Variants in RPN1 observed in about 807,000 individuals in gnomAD.
RPN1 encodes ribophorin I, also known as dolichyl-diphosphooligosaccharide--protein glycosyltransferase subunit 1.
RPN1 carries 12 observed loss-of-function variants against 55.5 expected under a neutral mutation model. The observed-to-expected ratio is 0.22, with a 90% CI of 0.14 to 0.35. RPN1 has a LOEUF of 0.35. RPN1 is among the 10% of genes least tolerant of loss of function. The pLI is 1.00. For missense variants in RPN1, 679 were observed against 761.3 expected, an observed-to-expected ratio of 0.89 and a Z score of 1.27; for synonymous variants, 317 against 305.9, an observed-to-expected ratio of 1.04 and a Z score of -0.38.
chr3:128,648,572 G>T (rs991862047), intron 1 of RPN1, among the ~76,000 whole-genome samples: 1 of 150,988 alleles, frequency 6.6e-6, no homozygotes, highest in African/African-American at 2.4e-5. Flanking sequence ...AAAAAAAAAA[G>T]AAAAAGAAAA....
chr3:128,624,049 C>A (rs984981052), intron 8 of RPN1, among the ~76,000 whole-genome samples: 2 of 151,982 alleles, frequency 1.3e-5, no homozygotes, highest in East Asian at 1.9e-4. Flanking sequence ...CCCGCCCCCC[C>A]GCATCTCCGA....
chr3:128,633,555 A>G (rs1248805529), intron 3 of RPN1, among the ~76,000 whole-genome samples: 9 of 152,140 alleles, frequency 5.9e-5, no homozygotes, highest in Admixed American at 5.9e-4. Flanking sequence ...AATTTGAAAA[A>G]CATTACTTCA....
chr3:128,628,059 A>C (rs1205022834), intron 5 of RPN1, among the ~76,000 whole-genome samples: 2 of 152,112 alleles, frequency 1.3e-5, no homozygotes, highest in Non-Finnish European at 2.9e-5. Context: ...GGAGTTCGAG[A>C]CCAGCCTGGC....
chr3:128,630,646 A>G (rs146417093), intron 4 of RPN1, among the ~76,000 whole-genome samples: 25 of 152,326 alleles, frequency 1.6e-4, no homozygotes, highest in African/African-American at 5.8e-4. Context: ...AAAAAAGTTT[A>G]TAAGATTTCA....
chr3:128,623,366 A>G lies in RPN1; in HGVS notation c.1396-957T>C, dbSNP rs148921413. Among the ~76,000 whole-genome samples, 125 of 151,976 alleles carry G rather than the reference A, an allele frequency of 8.2e-4. 2 individuals are homozygous for G. Among genetic ancestry groups the G allele is most frequent in the African/African-American group, 2.9e-3 (120 of 41,428 alleles). On this transcript the variant is annotated intron_variant, in intron 8 of 9. Coordinates refer to ENST00000296255, the MANE Select transcript of RPN1 (RefSeq NM_002950.4). Reference sequence around the variant, plus strand: ...AGCCTAGCCAACATGGCAAAACCCCATCTCTAATAAAAATACAGAAAATTA... The same window carrying G: ...AGCCTAGCCAACATGGCAAAACCCCGTCTCTAATAAAAATACAGAAAATTA...
rs1406531169 is a variant in RPN1, at chr3:128,635,630, TATATATATAG to T, written c.633+2159_633+2168del. Among the ~76,000 whole-genome samples, 233 of 26,068 alleles carry T rather than the reference TATATATATAG, an allele frequency of 8.9e-3. 3 individuals carry two copies. The highest frequency in any genetic ancestry group is 0.04 in the African/African-American group (207 of 5,238). The allele number at this position is 26,068 out of a possible 152,430, so 17.1% of individuals were successfully genotyped here. ...AACTTGAGATATATATATATATATA[TATATATATAG>T]ATATATATATATATATATATATATA... On this transcript the variant is annotated intron_variant, in intron 3 of 9. Coordinates refer to ENST00000296255, the MANE Select transcript of RPN1 (RefSeq NM_002950.4).
Position 128,643,492 on chromosome 3 carries a change from G to A in RPN1, c.326+1427C>T, listed in dbSNP as rs369054024. 1.3e-4 allele frequency among the ~76,000 whole-genome samples: 19 copies of A among 151,706 alleles called. No individual in the cohort carries two copies. In the East Asian group the frequency reaches 2.8e-3, roughly 22 times the overall value. On this transcript the variant is annotated intron_variant, in intron 2 of 9. Coordinates refer to ENST00000296255, the MANE Select transcript of RPN1 (RefSeq NM_002950.4). ...CAGCCTGGCCAACATGGGGAAACCC[G>A]TCTCTACTAAAAACACAAAACTTGT...
At chr3:128,636,058 G>A (rs925134228) in intron 3 of RPN1, among the ~76,000 whole-genome samples, 2 of 151,610 alleles carry the variant, frequency 1.3e-5, no homozygotes, top group African/African-American at 2.4e-5. Context: ...TTTTGACTAC[G>A]AAATCATGTT....
chr3:128,626,644 T>C, intron 6 of RPN1, 89 bp downstream of exon 6: 5 of 1,116,730 alleles, frequency 4.5e-6, no homozygotes, highest in Non-Finnish European at 6.8e-6. Flanking sequence ...ACACAAAGAC[T>C]GTGCCCCTAG....
intron 5 of RPN1, among the ~76,000 whole-genome samples, chr3:128,627,783 A>AAT (rs1337824583): frequency 3.8e-4 from 2 of 5,244 alleles, no homozygotes; most frequent in Non-Finnish European, 9.7e-4. Context: ...AAAAAAAAAA[A>AAT]AAAAAGATTA....
At chr3:128,636,057 C>G (rs139232335) in intron 3 of RPN1, among the ~76,000 whole-genome samples, 3 of 151,768 alleles carry the variant, frequency 2.0e-5, no homozygotes, top group Non-Finnish European at 4.4e-5. Flanking sequence ...ATTTTGACTA[C>G]GAAATCATGT....
chr3:128,647,561 G>A (rs1273078439), intron 1 of RPN1, among the ~76,000 whole-genome samples: 1 of 151,874 alleles, frequency 6.6e-6, no homozygotes, highest in East Asian at 1.9e-4. Flanking sequence ...GCGTAGTGGT[G>A]CGCACATGTA....
chr3:128,650,699 C>T lies in RPN1; in HGVS notation c.102G>A (p.Glu34=), dbSNP rs2069812383. ...TTAGGTCCACTGTGCGCTTCACGTCCTCATTGATCAGCGGCGGTGCCTCGG... is the reference window on the plus strand; with the variant it reads ...TTAGGTCCACTGTGCGCTTCACGTCTTCATTGATCAGCGGCGGTGCCTCGG... ...ASSEAPPLIN[E]DVKRTVDLSS... Residue 34 remains glutamate (E), a synonymous_variant, in exon 1 of 10, where the codon GAG becomes GAA. Coordinates refer to ENST00000296255, the MANE Select transcript of RPN1 (RefSeq NM_002950.4). The T allele has an allele frequency of 1.9e-6, 3 of 1,570,618 alleles. No individual in the cohort carries two copies. Among genetic ancestry groups the T allele is most frequent in the Non-Finnish European group, 2.6e-6 (3 of 1,157,886 alleles).
chr3:128,635,638 TAG>T (rs1383170597), intron 3 of RPN1, among the ~76,000 whole-genome samples: 611 of 22,792 alleles, frequency 0.027, 5 homozygotes, highest in African/African-American at 0.1. Flanking sequence ...TATATATATA[TAG>T]ATATATATAT....
intron 6 of RPN1, among the ~76,000 whole-genome samples, chr3:128,626,531 G>C (rs986434796): frequency 6.6e-5 from 10 of 152,168 alleles, no homozygotes; most frequent in African/African-American, 2.2e-4. Context: ...ATTCTCCACA[G>C]GAAGAAAATC....
At chr3:128,649,924 A>G in intron 1 of RPN1, among the ~76,000 whole-genome samples, 1 of 152,244 alleles carries the variant, frequency 6.6e-6, no homozygotes, top group East Asian at 1.9e-4. Context: ...AATGCATCAC[A>G]TTCATAGGGA....
chr3:128,637,157 G>T (rs2107718400), intron 3 of RPN1, among the ~76,000 whole-genome samples: 1 of 152,130 alleles, frequency 6.6e-6, no homozygotes, highest in South Asian at 2.1e-4. Context: ...AGGATGGACT[G>T]AGCCCAGGAG....
rs200859227 is a variant in RPN1 at position 128,622,255 on chromosome 3, T to C, written c.1550A>G (p.Lys517Arg). 6.2e-7 allele frequency: 1 copy of C among 1,614,258 alleles called. No individual in the cohort carries two copies. Among genetic ancestry groups the C allele is most frequent in the East Asian group, 2.2e-5 (1 of 44,884 alleles). The change falls in exon 9 of 10, where the codon AAG (lysine) becomes AGG (arginine). Residue 517 changes from lysine (K) to arginine (R), a missense_variant. Transcript: ENST00000296255. ...RDISTLNSGK[K>R]SLETEHKALT... ...GGCCTTGTGTTCAGTCTCCAGGCTC[T>C]TCTTGCCACTGTTGAGGGTGGAGAT...
chr3:128,629,545 G>C (rs2107715188), intron 5 of RPN1, among the ~76,000 whole-genome samples: 1 of 152,286 alleles, frequency 6.6e-6, no homozygotes, highest in East Asian at 1.9e-4. Context: ...TGGGTGGCAA[G>C]AGTGAGATTC....
Sources: gnomAD v4.1 joint callset for allele counts (sites outside exome capture counted in the v4.1 genomes callset) on GRCh38, gnomAD v4.1.1 for gene constraint, MANE v1.5 for transcripts, NCBI Gene and HGNC (gene_info 2026-07-23, HGNC 2026-07-21) for gene names.